Variants in DTNA observed in about 807,000 individuals in gnomAD.
DTNA encodes dystrophin-related protein 3.
Under a neutral mutation model 100.7 loss-of-function variants are expected in DTNA, and 43 were observed. The ratio of observed to expected loss-of-function variants is 0.43; its 90% CI spans 0.33 to 0.55. The LOEUF is 0.55. Ranked by LOEUF, DTNA falls within the 20% of genes least tolerant of loss-of-function variation. DTNA has a pLI of 0.04. For missense variants in DTNA, 798 were observed against 953.9 expected (o/e 0.84, Z 2.15); for synonymous variants, 349 against 347.9 (o/e 1.00, Z -0.04).
chr18:34,851,995 G>A, intron 15 of DTNA, 67 bp downstream of exon 15: 1 of 1,531,606 alleles, frequency 6.5e-7, no homozygotes, highest in Non-Finnish European at 9.0e-7. Context: ...CTATGGTCGT[G>A]CTTTAAAGTT....
At chr18:34,538,045 A>T (rs2043890020) in intron 1 of DTNA, among the ~76,000 whole-genome samples, 1 of 152,062 alleles carries the variant, frequency 6.6e-6, no homozygotes, top group Admixed American at 6.6e-5. Context: ...TATACACTTG[A>T]ACACATCAAA....
intron 1 of DTNA, among the ~76,000 whole-genome samples, chr18:34,555,928 T>A (rs2045984510): frequency 6.6e-6 from 1 of 151,892 alleles, no homozygotes; most frequent in South Asian, 2.1e-4. Flanking sequence ...GTATCCTTGT[T>A]GACTTTCTGT....
intron 1 of DTNA, among the ~76,000 whole-genome samples, chr18:34,577,581 C>A (rs2048225918): frequency 6.6e-6 from 1 of 152,124 alleles, no homozygotes; most frequent in African/African-American, 2.4e-5. Context: ...TTATCCCTCA[C>A]CCTCTTTCCA....
rs1025311293 is a variant in DTNA, at chr18:34,614,350, T to C, written c.-2+120836T>C. 3.3e-5 allele frequency among the ~76,000 whole-genome samples: 5 copies of C among 152,244 alleles called. No individual in the cohort carries two copies. In the East Asian group the frequency reaches 9.6e-4, roughly 29 times the overall value. On this transcript the variant is annotated intron_variant, in intron 1 of 19. Transcript: ENST00000283365. ...GCTTCCCAAGACAACGTCCATTCTG[T>C]AGACCATAGATCAAGAGTAATTTCA...
At chr18:34,734,018 T>A (rs529509891) in intron 1 of DTNA, among the ~76,000 whole-genome samples, 150 of 152,352 alleles carry the variant, frequency 9.8e-4, no homozygotes, top group African/African-American at 3.6e-3. Context: ...CCCATGCCTG[T>A]TCTCCAGATT....
intron 11 of DTNA, among the ~76,000 whole-genome samples, chr18:34,834,478 G>A (rs1352867138): frequency 4.6e-5 from 7 of 152,116 alleles, no homozygotes; most frequent in African/African-American, 1.7e-4. Flanking sequence ...ACTCCAGCCT[G>A]GGCAACAAGA....
chr18:34,823,675 C>G (rs1002362899), intron 9 of DTNA, among the ~76,000 whole-genome samples: 3 of 152,200 alleles, frequency 2.0e-5, no homozygotes, highest in Admixed American at 6.5e-5. Context: ...CTTGGTCATC[C>G]TCATTCCCTC....
intron 1 of DTNA, among the ~76,000 whole-genome samples, chr18:34,649,015 T>C (rs79636198): frequency 0.015 from 2,351 of 152,350 alleles, 38 homozygotes; most frequent in Non-Finnish European, 0.023. Flanking sequence ...CTAATAGTGT[T>C]AATTGAAGCC....
chr18:34,628,837 C>A (rs2057691218), intron 1 of DTNA, among the ~76,000 whole-genome samples: 1 of 152,120 alleles, frequency 6.6e-6, no homozygotes. Context: ...CTTATACCTA[C>A]CATACTCATA....
At chr18:34,686,320 C>T (rs2078894366) in intron 1 of DTNA, among the ~76,000 whole-genome samples, 1 of 152,056 alleles carries the variant, frequency 6.6e-6, no homozygotes. Flanking sequence ...TCCATCAATA[C>T]CTAGTTTATT....
At chr18:34,627,149 CAA>C (rs67932788) in intron 1 of DTNA, among the ~76,000 whole-genome samples, 22 of 135,904 alleles carry the variant, frequency 1.6e-4, no homozygotes, top group African/African-American at 4.0e-4. Flanking sequence ...GTCTGAGAGT[CAA>C]AAAAAAAAAA....
At chr18:34,531,746 T>A (rs1470540237) in intron 1 of DTNA, among the ~76,000 whole-genome samples, 1 of 152,164 alleles carries the variant, frequency 6.6e-6, no homozygotes, top group Non-Finnish European at 1.5e-5. Context: ...GCAGGAATTT[T>A]AAACCCTTTC....
rs188883395 is a variant in DTNA at position 34,637,550 on chromosome 18, A to T, written c.-1-118426A>T. ...GGCTCTCAGATACTATTAGGCTAAA[A>T]ATTTGCTTAGCTCTTAGTCCCCACT... On this transcript the variant is annotated intron_variant, in intron 1 of 19. Coordinates refer to the DTNA transcript ENST00000283365. Among the ~76,000 whole-genome samples the T allele has an allele frequency of 7.9e-5, 12 of 152,292 alleles. No individual in the cohort carries two copies. The East Asian group carries it at 2.3e-3, about 29-fold the overall frequency.
chr18:34,764,755 A>G lies in DTNA; in HGVS notation c.68-1206A>G, dbSNP rs945017217. 5.3e-5 allele frequency among the ~76,000 whole-genome samples: 8 copies of G among 152,304 alleles called. No homozygotes were observed. The East Asian group carries it at 1.5e-3, about 29-fold the overall frequency. ...AATATAATCGCTTCCAGGATAGTTC[A>G]TTTACTTTCTATTCTGTTTTACTCT... On this transcript the variant is annotated intron_variant, in intron 2 of 22. Coordinates refer to ENST00000444659, the MANE Select transcript of DTNA (RefSeq NM_001386795.1).
intron 1 of DTNA, among the ~76,000 whole-genome samples, chr18:34,504,620 T>G (rs1218285313): frequency 1.3e-5 from 2 of 152,214 alleles, no homozygotes; most frequent in East Asian, 3.9e-4. Flanking sequence ...GATTCTAGGT[T>G]GAGAGGCCTT....
chr18:34,559,396 G>A (rs1162124999), intron 1 of DTNA, among the ~76,000 whole-genome samples: 2 of 152,180 alleles, frequency 1.3e-5, no homozygotes, highest in Non-Finnish European at 2.9e-5. Flanking sequence ...CTGAATGGGC[G>A]TTTAAATGTG....
At chr18:34,733,298 A>C (rs1256426653) in intron 1 of DTNA, among the ~76,000 whole-genome samples, 2 of 152,212 alleles carry the variant, frequency 1.3e-5, no homozygotes, top group Non-Finnish European at 2.9e-5. Context: ...TGGTTTTATA[A>C]TTCAAATTAG....
intron 1 of DTNA, among the ~76,000 whole-genome samples, chr18:34,751,581 T>C (rs1424627194): frequency 6.6e-6 from 1 of 152,218 alleles, no homozygotes; most frequent in African/African-American, 2.4e-5. Context: ...TGTTCCCAAA[T>C]GCACCTTACC....
rs6650658 is a variant in DTNA at position 34,755,951 on chromosome 18, A to G, written c.-1-25A>G. Reference sequence around the variant, plus strand: ...TGCCTCAATAGCGTGAGGATAATACACATTGTAACTATTTTGTCTCATAGA... The same window carrying G: ...TGCCTCAATAGCGTGAGGATAATACGCATTGTAACTATTTTGTCTCATAGA... On this transcript the variant is annotated intron_variant, in intron 1 of 22. Transcript: ENST00000444659. 0.075 allele frequency: 120,060 copies of G among 1,605,282 alleles called. 5,033 individuals carry two copies. Among genetic ancestry groups the G allele is most frequent in the African/African-American group, 0.1 (7,600 of 74,766 alleles).
Sources: allele counts gnomAD v4.1 joint callset (sites outside exome capture counted in the v4.1 genomes callset), GRCh38; gene constraint gnomAD v4.1.1; transcripts MANE v1.5; gene names NCBI Gene and HGNC (gene_info 2026-07-23, HGNC 2026-07-21).